ORC1: variants seen among roughly 807,000 people sequenced by gnomAD.
ORC1 encodes the protein origin recognition complex subunit 1.
In ORC1, 61 loss-of-function variants were observed where a neutral mutation model predicts 98.9. The ratio of observed to expected loss-of-function variants is 0.62; its 90% CI spans 0.50 to 0.76. The LOEUF (loss-of-function observed/expected upper bound fraction) is 0.76. Among genes scored for constraint, ORC1 ranks in the 30% least tolerant of loss-of-function variants. The pLI is 0.00. For synonymous variants in ORC1, 385 were observed against 406.9 expected (o/e 0.95, Z 0.65); for missense variants, 979 against 1,072.2 (o/e 0.91, Z 1.21).
Position 52,388,494 on chromosome 1 carries a change from C to T in ORC1, c.1331G>A (p.Arg444Gln), listed in dbSNP as rs779430952. 3.7e-6 allele frequency: 6 copies of T among 1,614,126 alleles called. No individual in the cohort carries two copies. The East Asian group carries it at 6.7e-5, about 18-fold the overall frequency. Reference protein sequence around the residue: ...RAPRTVSRNLRSSLKSSLHTL... With the variant: ...RAPRTVSRNLQSSLKSSLHTL... ...ATGTAAGGATGACTTCAAGGAAGAT[C>T]GCAGGTTCCTGGACACAGTTCTGGG... is the stretch of plus-strand genomic sequence containing the variant. Residue 444 changes from arginine (R) to glutamine (Q), a missense_variant, in exon 8 of 17, where the codon CGA becomes CAA. Coordinates refer to ENST00000371568, the MANE Select transcript of ORC1 (RefSeq NM_004153.4).
chr1:52,404,430 GA>G, upstream of ORC1: 1 of 232,860 alleles, frequency 4.3e-6, no homozygotes, highest in Non-Finnish European at 8.7e-6. Flanking sequence ...AAGGAGAAAA[GA>G]AAACTTCGCG....
At position 52,385,906 on chromosome 1, in the gene ORC1, C is replaced by A; in HGVS notation, c.1427G>T (p.Ser476Ile). ...TPRCAAPQIR[S>I]RSLAAQEPAS... Reference sequence around the variant, plus strand: ...TGGCTCCTGGGCAGCCAGGCTTCGACTACGGATCTGAGGAGCGGCACAACG... The same window carrying A: ...TGGCTCCTGGGCAGCCAGGCTTCGAATACGGATCTGAGGAGCGGCACAACG... Residue 476 changes from serine (S) to isoleucine (I), a missense_variant, in exon 9 of 17, where the codon AGT (serine) becomes ATT (isoleucine). Coordinates refer to ENST00000371568, the MANE Select transcript of ORC1 (RefSeq NM_004153.4). 3 of 1,613,902 alleles carry A rather than the reference C, an allele frequency of 1.9e-6. No individual in the cohort carries two copies. Among genetic ancestry groups the A allele is most frequent in the Non-Finnish European group, 2.5e-6 (3 of 1,180,024 alleles).
chr1:52,397,742 A>G lies in ORC1; in HGVS notation c.345T>C (p.Tyr115=). 1.2e-6 allele frequency: 2 copies of G among 1,614,220 alleles called. No individual in the cohort carries two copies. The highest frequency in any genetic ancestry group is 1.1e-5 in the South Asian group (1 of 91,082). Residue 115 remains tyrosine, a synonymous_variant, in exon 4 of 17, where the codon TAT becomes TAC. Transcript: ENST00000371568. ...RKPGAQEIFW[Y]DYPACDSNIN... ...TGTTGCTGTCACAGGCCGGGTAATCATACCAGAATATTTCCTGTGCACCAG... is the reference window on the plus strand; with the variant it reads ...TGTTGCTGTCACAGGCCGGGTAATCGTACCAGAATATTTCCTGTGCACCAG...
chr1:52,393,385 C>T (rs1647265581), intron 6 of ORC1, 58 bp downstream of exon 6: 1 of 1,607,998 alleles, frequency 6.2e-7, no homozygotes, highest in Non-Finnish European at 8.5e-7. Flanking sequence ...CTATGACTCA[C>T]ATACTTCACG....
In ORC1 at chr1:52,396,198, A is replaced by G; in HGVS notation, c.569T>C (p.Val190Ala). The change falls in exon 5 of 17, where the codon GTG (valine) becomes GCG (alanine). Residue 190 changes from valine (V) to alanine (A), a missense_variant. By Grantham distance (64) the Val-to-Ala change is moderately conservative. Transcript: ENST00000371568. ...CTCTGCACTCTTACTCTTGGCTCTC[A>G]CGGGTTTCTGGCACTTGGCTGCACT... ...QESAAKCQKP[V>A]RAKSKSAESP... is the part of the protein sequence containing the mutation. 1.2e-6 allele frequency: 2 copies of G among 1,614,128 alleles called. No homozygotes were observed. The highest frequency in any genetic ancestry group is 1.7e-6 in the Non-Finnish European group (2 of 1,180,010).
intron 14 of ORC1, among the ~76,000 whole-genome samples, chr1:52,377,148 G>A (rs535545917): frequency 2.0e-5 from 3 of 151,794 alleles, no homozygotes; most frequent in African/African-American, 4.8e-5. Context: ...TCAGCCTCCC[G>A]AATAGCTGAG....
In ORC1 at chr1:52,387,213, T is replaced by C. The variant is rs191521124; in HGVS notation, c.1383+1229A>G. Among the ~76,000 whole-genome samples, 980 of 152,296 alleles carry C rather than the reference T, an allele frequency of 6.4e-3. 9 individuals are homozygous for C. The highest frequency in any genetic ancestry group is 0.022 in the African/African-American group (905 of 41,558). ...GCATTACCACCTGAGCTCTGCCTTCTGCTAGAGGAGCAGAGGCATTAGATT... is the reference window on the plus strand; with the variant it reads ...GCATTACCACCTGAGCTCTGCCTTCCGCTAGAGGAGCAGAGGCATTAGATT... On this transcript the variant is annotated intron_variant, in intron 8 of 16. Transcript: ENST00000371568.
chr1:52,383,426 G>T lies in ORC1; in HGVS notation c.2007C>A (p.Ser669Arg). The change falls in exon 13 of 17, where the codon AGC becomes AGA. Residue 669 changes from serine to arginine, a missense_variant. By Grantham distance (110) the Ser-to-Arg change is moderately radical (BLOSUM62 -1). Coordinates refer to ENST00000371568, the MANE Select transcript of ORC1 (RefSeq NM_004153.4). The stretch of plus-strand genomic sequence containing the variant: ...GAACTGCCCTAGAACCTACCAGTCG[G>T]CTGGACACCCGGTTCATCATGATTC... The part of the protein sequence containing the change: ...PERIMMNRVS[S>R]RLGLTRMCFQ... 1 of 1,612,490 alleles carries T rather than the reference G, an allele frequency of 6.2e-7. No individual in the cohort carries two copies. The highest frequency in any genetic ancestry group is 8.5e-7 in the Non-Finnish European group (1 of 1,180,012).
upstream of ORC1, chr1:52,404,625 A>C: frequency 9.3e-7 from 1 of 1,078,144 alleles, no homozygotes; most frequent in South Asian, 1.6e-5. Context: ...TCCGGCTTCA[A>C]GATGGTCGCC....
At position 52,388,568 on chromosome 1, in the gene ORC1, A is replaced by G; in HGVS notation, c.1257T>C (p.Ser419=). The change falls in exon 8 of 17, where the codon TCT becomes TCC. Residue 419 remains serine (S), a synonymous_variant. Coordinates refer to ENST00000371568, the MANE Select transcript of ORC1 (RefSeq NM_004153.4). ...TGGAAGCCTCTTCTTCGTCACTGCT[A>G]GAGTCTGAAATCTCTGCTGCTGGCA... ...EILPAAEISD[S]SSDEEEASTP... 3.1e-6 allele frequency: 5 copies of G among 1,614,178 alleles called. No homozygotes were observed. In the South Asian group the frequency reaches 4.4e-5, roughly 14 times the overall value.
At chr1:52,373,759 T>C (rs955083461) in intron 16 of ORC1, among the ~76,000 whole-genome samples, 2 of 152,186 alleles carry the variant, frequency 1.3e-5, no homozygotes. Flanking sequence ...GAGAGTTTCA[T>C]AATTGAGACT....
chr1:52,390,588 G>A (rs1348653594), intron 6 of ORC1, among the ~76,000 whole-genome samples: 1 of 152,070 alleles, frequency 6.6e-6, no homozygotes, highest in East Asian at 1.9e-4. Context: ...CCTAAGGTCT[G>A]GAGTTTGAGA....
chr1:52,383,977 T>A, intron 11 of ORC1, 40 bp from the exon 12 acceptor site: 1 of 1,534,054 alleles, frequency 6.5e-7, no homozygotes, highest in African/African-American at 1.4e-5. Context: ...ACTGTAAGGG[T>A]CTTACTCCCT....
In ORC1 at chr1:52,388,649, G is replaced by T; in HGVS notation, c.1188-12C>A. 2 of 1,608,060 alleles carry T rather than the reference G, an allele frequency of 1.2e-6. No individual in the cohort carries two copies. Among genetic ancestry groups the T allele is most frequent in the Non-Finnish European group, 1.7e-6 (2 of 1,175,270 alleles). On this transcript the variant is annotated splice_polypyrimidine_tract_variant and intron_variant, in intron 7 of 16. Transcript: ENST00000371568. ...TATTACCTAGAAACCTGAATGGTAG[G>T]GACATATTTTTTGATACTCAGTGTT... is the stretch of plus-strand genomic sequence containing the variant.
At chr1:52,407,577 T>C (rs1648034113), upstream of ORC1, among the ~76,000 whole-genome samples, 1 of 152,238 alleles carries the variant, frequency 6.6e-6, no homozygotes, top group Admixed American at 6.5e-5. Flanking sequence ...GTCATGTTTA[T>C]GTGTACTTGT....
Position 52,385,165 on chromosome 1 carries a change from C to T in ORC1, c.1579G>A (p.Gly527Arg), listed in dbSNP as rs371090170. ...TGCCTGCCTCACATGACTCACCCTC[C>T]GGTATGGTCAAGGAGTTTGCTTTCC... ...FVESKLLDHTGGCMYISGVPG... is the reference protein window; with the variant it reads ...FVESKLLDHTRGCMYISGVPG... Residue 527 changes from glycine (G) to arginine (R), a missense_variant, in exon 10 of 17, where the codon GGA becomes AGA. Coordinates refer to ENST00000371568, the MANE Select transcript of ORC1 (RefSeq NM_004153.4). 2.7e-5 allele frequency: 43 copies of T among 1,605,784 alleles called. No homozygotes were observed. The South Asian group carries it at 3.2e-4, about 12-fold the overall frequency.
intron 9 of ORC1, 70 bp downstream of exon 9, chr1:52,385,782 A>G (rs1410638568): frequency 1.9e-6 from 2 of 1,030,448 alleles, no homozygotes; most frequent in Non-Finnish European, 3.1e-6. Flanking sequence ...GTGACTGCTA[A>G]TTTTATGTGA....
At chr1:52,374,741 G>T in intron 16 of ORC1, 69 bp downstream of exon 16, 2 of 1,058,038 alleles carry the variant, frequency 1.9e-6, no homozygotes, top group South Asian at 1.3e-5. Flanking sequence ...ACACATTCAT[G>T]GAAATTTCCA....
chr1:52,389,444 G>A, intron 6 of ORC1, 123 bp from the exon 7 acceptor site: 1 of 711,386 alleles, frequency 1.4e-6, no homozygotes, highest in Non-Finnish European at 2.5e-6. Context: ...TTTGAAAAGA[G>A]TAAAACTTTC....
Sources: gnomAD v4.1 joint callset for allele counts (sites outside exome capture counted in the v4.1 genomes callset) on GRCh38, gnomAD v4.1.1 for gene constraint, MANE v1.5 for transcripts, NCBI Gene and HGNC (gene_info 2026-07-23, HGNC 2026-07-21) for gene names.